COL22A1: variants seen among roughly 807,000 people sequenced by gnomAD.
The protein encoded by COL22A1 is collagen type XXII alpha 1 chain, also known as collagen alpha-1(XXII) chain.
Under a neutral mutation model 248.9 loss-of-function variants are expected in COL22A1, and 221 were observed. The ratio of observed to expected loss-of-function variants is 0.89; its 90% CI spans 0.80 to 0.99. The LOEUF is 0.99. Among genes scored for constraint, COL22A1 ranks in the 50% least tolerant of loss-of-function variants. COL22A1 has a pLI of 0.00. For synonymous variants in COL22A1, 891 were observed against 793.4 expected (o/e 1.12, Z -2.07); for missense variants, 2,240 against 2,179.0 (o/e 1.03, Z -0.56).
chr8:138,769,544 C>T lies in COL22A1; in HGVS notation c.1803+6422G>A, dbSNP rs145639479. The stretch of plus-strand genomic sequence containing the variant: ...CCACCCAAAGGGCTGCCTTGTCCTC[C>T]CGGTGGGGACTCCACCACCACCCTG... On this transcript the variant is annotated intron_variant, in intron 16 of 64. Transcript: ENST00000303045. Among the ~76,000 whole-genome samples the T allele has an allele frequency of 2.9e-3, 444 of 152,184 alleles. 6 individuals carry two copies. The highest frequency in any genetic ancestry group is 0.02 in the East Asian group (103 of 5,138).
At position 138,843,668 on chromosome 8, in the gene COL22A1, G is replaced by A. The variant is rs528901198; in HGVS notation, c.733+416C>T. The stretch of plus-strand genomic sequence containing the variant: ...TTTCTGCTGCTGGGTCTGCAGTCAC[G>A]TGTCTCTTTGTTCTCTCACCCATTG... On this transcript the variant is annotated intron_variant, in intron 4 of 64. Coordinates refer to ENST00000303045, the MANE Select transcript of COL22A1 (RefSeq NM_152888.3). 1.4e-4 allele frequency among the ~76,000 whole-genome samples: 22 copies of A among 152,238 alleles called. No homozygotes were observed. In the South Asian group the frequency reaches 1.9e-3, roughly 13 times the overall value.
At chr8:138,800,855 G>C (rs1379369749) in intron 11 of COL22A1, among the ~76,000 whole-genome samples, 1 of 152,188 alleles carries the variant, frequency 6.6e-6, no homozygotes, top group East Asian at 1.9e-4. Context: ...ACATGGAGGA[G>C]AGGAATGGAC....
At chr8:138,860,290 C>A (rs1822353483) in intron 3 of COL22A1, among the ~76,000 whole-genome samples, 1 of 152,112 alleles carries the variant, frequency 6.6e-6, no homozygotes, top group South Asian at 2.1e-4. Context: ...CATGTGTATC[C>A]CCTCTGTGGC....
chr8:138,664,588 C>T (rs755025082), intron 41 of COL22A1, among the ~76,000 whole-genome samples: 1 of 152,094 alleles, frequency 6.6e-6, no homozygotes, highest in Non-Finnish European at 1.5e-5. Flanking sequence ...CCCCTGTACA[C>T]ACCCTGCCTA....
At chr8:138,805,494 TGTGTGTGTGTGATG>T (rs963044599) in intron 10 of COL22A1, among the ~76,000 whole-genome samples, 21 of 89,858 alleles carry the variant, frequency 2.3e-4, no homozygotes, top group African/African-American at 1.0e-3. Context: ...CATGTGATGG[TGTGTGTGTGTGATG>T]GTGTGTGTGT....
intron 17 of COL22A1, 147 bp from the exon 18 acceptor site, chr8:138,760,434 A>G (rs2131387185): frequency 1.5e-6 from 1 of 655,702 alleles, no homozygotes; most frequent in East Asian, 3.3e-5. Context: ...GACTTTCTGG[A>G]CTGTGCTTAT....
At chr8:138,635,432 A>C (rs896635120) in intron 48 of COL22A1, among the ~76,000 whole-genome samples, 7 of 152,214 alleles carry the variant, frequency 4.6e-5, no homozygotes, top group Admixed American at 2.6e-4. Flanking sequence ...ATATGCTTGA[A>C]GTGTTTCATA....
chr8:138,628,660 T>C (rs1820452513), intron 50 of COL22A1, among the ~76,000 whole-genome samples: 1 of 152,316 alleles, frequency 6.6e-6, no homozygotes, highest in South Asian at 2.1e-4. Flanking sequence ...CAGCTTCAAG[T>C]GCTACCATAG....
chr8:138,659,292 G>T (rs1345039967), intron 44 of COL22A1, among the ~76,000 whole-genome samples: 1 of 152,114 alleles, frequency 6.6e-6, no homozygotes, highest in South Asian at 2.1e-4. Context: ...CCCTGTCCAG[G>T]TCTCTGCTGT....
chr8:138,685,235 T>C lies in COL22A1; in HGVS notation c.2940A>G (p.Pro980=), dbSNP rs9644500. The part of the protein sequence containing the change: ...GDPGAPGLPG[P]PGKGKDGEPG... ...GCTCTCCATCCTTCCCTTTTCCGGGTGGCCCAGGGAGCCCAGGAGCACCAG... is the reference window on the plus strand; with the variant it reads ...GCTCTCCATCCTTCCCTTTTCCGGGCGGCCCAGGGAGCCCAGGAGCACCAG... Residue 980 remains proline, a synonymous_variant, in exon 38 of 65, where the codon CCA becomes CCG. Coordinates refer to ENST00000303045, the MANE Select transcript of COL22A1 (RefSeq NM_152888.3). 957,332 of 1,611,158 alleles carry C rather than the reference T, an allele frequency of 0.59. 287,857 individuals are homozygous for C. Among genetic ancestry groups the C allele is most frequent in the East Asian group, 0.75 (33,469 of 44,712 alleles).
chr8:138,745,682 G>A (rs1251925547), intron 22 of COL22A1, among the ~76,000 whole-genome samples: 2 of 152,148 alleles, frequency 1.3e-5, no homozygotes, highest in Non-Finnish European at 2.9e-5. Flanking sequence ...AAATGGGATG[G>A]TGTGAGAATA....
At chr8:138,897,136 T>G (rs111593154) in intron 1 of COL22A1, among the ~76,000 whole-genome samples, 139 of 152,318 alleles carry the variant, frequency 9.1e-4, no homozygotes, top group African/African-American at 3.2e-3. Flanking sequence ...CATTCATTTT[T>G]GAAGGTTACA....
intron 1 of COL22A1, among the ~76,000 whole-genome samples, chr8:138,884,363 A>G (rs1409529044): frequency 2.6e-5 from 4 of 152,170 alleles, no homozygotes; most frequent in African/African-American, 7.2e-5. Flanking sequence ...GCATTTACAC[A>G]CAGTCAGTAA....
In COL22A1 at chr8:138,598,837, G is replaced by T; in HGVS notation, c.4247C>A (p.Pro1416His). The change falls in exon 61 of 65, where the codon CCT becomes CAT. Residue 1416 changes from proline to histidine, a missense_variant. Physicochemically the swap from Pro to His is moderately conservative, Grantham distance 77. Coordinates refer to ENST00000303045, the MANE Select transcript of COL22A1 (RefSeq NM_152888.3). Reference protein sequence around the residue: ...PPGGKGQPGDPGIPGHKGHTG... With the variant: ...PPGGKGQPGDHGIPGHKGHTG... ...GTGGCCTTTGTGGCCTGGGATTCCA[G>T]GGTCCCCAGGCTGGCCTTTTCCACC... 2 of 1,614,156 alleles carry T rather than the reference G, an allele frequency of 1.2e-6. No individual in the cohort carries two copies. Among genetic ancestry groups the T allele is most frequent in the Non-Finnish European group, 1.7e-6 (2 of 1,180,030 alleles).
chr8:138,901,950 C>T (rs1814608329), intron 1 of COL22A1, among the ~76,000 whole-genome samples: 1 of 152,026 alleles, frequency 6.6e-6, no homozygotes, highest in South Asian at 2.1e-4. Flanking sequence ...GGTAAGCGAG[C>T]TCCCCATGAG....
At chr8:138,662,113 C>T in intron 42 of COL22A1, 30 bp from the exon 43 acceptor site, 2 of 1,599,122 alleles carry the variant, frequency 1.3e-6, no homozygotes, top group Non-Finnish European at 1.7e-6. Flanking sequence ...GACACTGACA[C>T]CCTACAATAT....
intron 2 of COL22A1, among the ~76,000 whole-genome samples, chr8:138,880,028 C>T (rs1028469388): frequency 1.1e-4 from 16 of 152,054 alleles, no homozygotes; most frequent in African/African-American, 3.9e-4. Flanking sequence ...TCTTTTTATC[C>T]ACCAATTCCA....
chr8:138,856,844 G>A (rs576019988), intron 3 of COL22A1, among the ~76,000 whole-genome samples: 31 of 152,170 alleles, frequency 2.0e-4, no homozygotes, highest in Non-Finnish European at 3.7e-4. Context: ...TTCCTGACAA[G>A]GAAGAGGGCC....
At chr8:138,863,148 T>C (rs1822612347) in intron 3 of COL22A1, among the ~76,000 whole-genome samples, 1 of 152,240 alleles carries the variant, frequency 6.6e-6, no homozygotes, top group Non-Finnish European at 1.5e-5. Context: ...TATTTCTCAG[T>C]GCAGGCTTGC....
Sources: allele counts gnomAD v4.1 joint callset (sites outside exome capture counted in the v4.1 genomes callset), GRCh38; gene constraint gnomAD v4.1.1; transcripts MANE v1.5; gene names NCBI Gene and HGNC (gene_info 2026-07-23, HGNC 2026-07-21).